The following CCDC87 variants were observed in gnomAD, a reference collection of about 807,000 sequenced individuals.
CCDC87 encodes the protein coiled-coil domain-containing protein 87.
For synonymous variants in CCDC87, 434 were observed against 440.2 expected, an observed-to-expected ratio of 0.99 and a Z score of 0.18; for missense variants, 1,072 against 1,041.7, an observed-to-expected ratio of 1.03 and a Z score of -0.40.
In CCDC87 at chr11:66,591,782, C is replaced by T; in HGVS notation, c.1234G>A (p.Gly412Arg). The change falls in exon 1 of 1, where the codon GGG becomes AGG. Residue 412 changes from glycine (G) to arginine (R), a missense_variant. Coordinates refer to ENST00000333861, the MANE Select transcript of CCDC87 (RefSeq NM_018219.3). ...LRNLQEEEAS[G>R]QWDPQPPKSF... ...TTGGGGGGCTGGGGGTCCCACTGCC[C>T]AGAGGCTTCTTCCTCCTGGAGGTTC... 1 of 1,613,612 alleles carries T rather than the reference C, an allele frequency of 6.2e-7. No individual in the cohort carries two copies. Among genetic ancestry groups the T allele is most frequent in the South Asian group, 1.1e-5 (1 of 91,062 alleles).
chr11:66,593,033 C>A lies in CCDC87; in HGVS notation c.-18G>T. The stretch of plus-strand genomic sequence containing the variant: ...TCCATCATAGAGCCGGCGGCCGCCA[C>A]CGTCCAGGAACAGAAAGCCGAGGGG... On this transcript the variant is annotated 5_prime_UTR_variant, in exon 1 of 1. Transcript: ENST00000333861. The A allele has an allele frequency of 6.6e-7, 1 of 1,506,806 alleles. No homozygotes were observed. Among genetic ancestry groups the A allele is most frequent in the Non-Finnish European group, 8.8e-7 (1 of 1,130,274 alleles). 93.3% of individuals were successfully genotyped at this position (1,506,806 alleles called of 1,614,324 possible). A position where few individuals can be genotyped will look rare whatever the true frequency, so the allele number is the denominator to read the frequency against.
At position 66,591,599 on chromosome 11, in the gene CCDC87, GT is replaced by G. The variant is rs770495671; in HGVS notation, c.1416del (p.Glu472AspfsTer27). The G allele has an allele frequency of 3.3e-5, 54 of 1,614,128 alleles. 1 individual carries two copies. The South Asian group carries it at 5.2e-4, about 15-fold the overall frequency. ...AGALYNHLAG[E>X]LDPKAIEKMD... is the part of the protein sequence containing the mutation. ...ATTTTTTCAATGGCTTTGGGATCCA[GT>G]TCACCAGCCAGATGGTTATACAGGG... On this transcript the variant is annotated frameshift_variant, in exon 1 of 1. Coordinates refer to ENST00000333861, the MANE Select transcript of CCDC87 (RefSeq NM_018219.3). LOFTEE classifies it low-confidence loss of function (END_TRUNC).
In CCDC87 at chr11:66,591,866, C is replaced by A. The variant is rs1271227957; in HGVS notation, c.1150G>T (p.Val384Phe). Reference sequence around the variant, plus strand: ...CCTGCAGCTGGGTGACGGGTCACAACCCCCAGGAGAGGAGGCAGGCCTGAG... The same window carrying A: ...CCTGCAGCTGGGTGACGGGTCACAAACCCCAGGAGAGGAGGCAGGCCTGAG... ...LDSGLPPLLGVVTRHPAAGHR... is the reference protein window; with the variant it reads ...LDSGLPPLLGFVTRHPAAGHR... The change falls in exon 1 of 1, where the codon GTT (valine) becomes TTT (phenylalanine). Residue 384 changes from valine to phenylalanine, a missense_variant. Transcript: ENST00000333861. The A allele has an allele frequency of 6.2e-7, 1 of 1,613,656 alleles. No individual in the cohort carries two copies. Among genetic ancestry groups the A allele is most frequent in the African/African-American group, 1.3e-5 (1 of 75,038 alleles).
Position 66,590,319 on chromosome 11 carries a change from G to A in CCDC87, c.*147C>T. ...TCATAGTTGGAAGCATAATGTTCCT[G>A]AACCCTCCACTCCCAGATATAGACA... On this transcript the variant is annotated 3_prime_UTR_variant, in exon 1 of 1. Transcript: ENST00000333861. 1 of 631,054 alleles carries A rather than the reference G, an allele frequency of 1.6e-6. No homozygotes were observed. Among genetic ancestry groups the A allele is most frequent in the East Asian group, 2.7e-5 (1 of 36,424 alleles). The allele number at this position is 631,054 out of a possible 1,614,324, so 39.1% of individuals were successfully genotyped here.
In CCDC87 at chr11:66,591,164, C is replaced by T; in HGVS notation, c.1852G>A (p.Glu618Lys). 6.2e-7 allele frequency: 1 copy of T among 1,614,220 alleles called. No individual in the cohort carries two copies. The highest frequency in any genetic ancestry group is 1.7e-5 in the Admixed American group (1 of 60,030). The change falls in exon 1 of 1, where the codon GAA becomes AAA. Residue 618 changes from glutamate (E) to lysine (K), a missense_variant. Physicochemically the swap from Glu to Lys is moderately conservative, Grantham distance 56. Coordinates refer to ENST00000333861, the MANE Select transcript of CCDC87 (RefSeq NM_018219.3). ...FLHVIFQMHE[E>K]EVPVEIVAPA... The stretch of plus-strand genomic sequence containing the variant: ...GCCACAATCTCCACAGGAACCTCTT[C>T]TTCATGCATTTGAAAGATGACATGA...
At position 66,592,694 on chromosome 11, in the gene CCDC87, T is replaced by G; in HGVS notation, c.322A>C (p.Asn108His). The change falls in exon 1 of 1, where the codon AAC becomes CAC. Residue 108 changes from asparagine to histidine, a missense_variant. By Grantham distance (68) the Asn-to-His change is moderately conservative. Transcript: ENST00000333861. Reference sequence around the variant, plus strand: ...AGCCGCTTCCGCAGCTTCTGGTTGTTTTTGTGGCTCAGACTAAGTTCGGCG... The same window carrying G: ...AGCCGCTTCCGCAGCTTCTGGTTGTGTTTGTGGCTCAGACTAAGTTCGGCG... Reference protein sequence around the residue: ...PPAELSLSHKNNQKLRKRLEA... With the variant: ...PPAELSLSHKHNQKLRKRLEA... 1 of 1,614,118 alleles carries G rather than the reference T, an allele frequency of 6.2e-7. No individual in the cohort carries two copies. Among genetic ancestry groups the G allele is most frequent in the African/African-American group, 1.3e-5 (1 of 75,066 alleles).
rs1858363091 is a variant in CCDC87, at chr11:66,591,717, C to G, written c.1299G>C (p.Leu433Phe). ...PLHPQPVTIT[L>F]KLRNEVVVQA... ...GGACCACGACCTCATTTCTAAGCTT[C>G]AAAGTAATGGTCACTGGCTGTGGGT... Residue 433 changes from leucine (L) to phenylalanine (F), a missense_variant, in exon 1 of 1, where the codon TTG becomes TTC. By Grantham distance (22) the Leu-to-Phe change is conservative (BLOSUM62 0). Coordinates refer to ENST00000333861, the MANE Select transcript of CCDC87 (RefSeq NM_018219.3). The G allele has an allele frequency of 6.2e-7, 1 of 1,613,572 alleles. No individual in the cohort carries two copies. The highest frequency in any genetic ancestry group is 1.1e-5 in the South Asian group (1 of 91,076).
rs200576384 is a variant in CCDC87 at position 66,591,687 on chromosome 11, C to T, written c.1329G>A (p.Ala443=). ...TTCTATCAGAGACCCGTACGGCAGCCGCCTGGACCACGACCTCATTTCTAA... is the reference window on the plus strand; with the variant it reads ...TTCTATCAGAGACCCGTACGGCAGCTGCCTGGACCACGACCTCATTTCTAA... ...LKLRNEVVVQ[A]AAVRVSDRNF... is the part of the protein sequence containing the mutation. The change falls in exon 1 of 1, where the codon GCG becomes GCA. Residue 443 remains alanine, a synonymous_variant. Coordinates refer to ENST00000333861, the MANE Select transcript of CCDC87 (RefSeq NM_018219.3). 163 of 1,613,650 alleles carry T rather than the reference C, an allele frequency of 1.0e-4. No individual in the cohort carries two copies. Among genetic ancestry groups the T allele is most frequent in the Middle Eastern group, 5.0e-4 (3 of 6,056 alleles).
In CCDC87 at chr11:66,592,249, G is replaced by C; in HGVS notation, c.767C>G (p.Pro256Arg). Residue 256 changes from proline to arginine, a missense_variant, in exon 1 of 1, where the codon CCT (proline) becomes CGT (arginine). By Grantham distance (103) the Pro-to-Arg change is moderately radical. Coordinates refer to ENST00000333861, the MANE Select transcript of CCDC87 (RefSeq NM_018219.3). ...GAAAGGCTTTTTCCTCTTCAACCGA[G>C]GGATGGACTTCAATTCCTTCACTGG... Reference protein sequence around the residue: ...MDPVKELKSIPRLKRKKPFHW... With the variant: ...MDPVKELKSIRRLKRKKPFHW... 1.2e-6 allele frequency: 2 copies of C among 1,614,120 alleles called. No homozygotes were observed. The highest frequency in any genetic ancestry group is 2.2e-5 in the East Asian group (1 of 44,894).
rs200209283 is a variant in CCDC87, at chr11:66,590,881, C to T, written c.2135G>A (p.Arg712Lys). The change falls in exon 1 of 1, where the codon AGG becomes AAG. Residue 712 changes from arginine to lysine, a missense_variant. Coordinates refer to ENST00000333861, the MANE Select transcript of CCDC87 (RefSeq NM_018219.3). Reference sequence around the variant, plus strand: ...GGCATTCACCAATGAAGGCAGCTGCCTCAGGCGGGCTTTGGAGCTATATTT... The same window carrying T: ...GGCATTCACCAATGAAGGCAGCTGCTTCAGGCGGGCTTTGGAGCTATATTT... ...TIKYSSKARL[R>K]QLPSLVNAWE... 98 of 1,613,908 alleles carry T rather than the reference C, an allele frequency of 6.1e-5. No homozygotes were observed. In the East Asian group the frequency reaches 2.1e-3, roughly 35 times the overall value.
In CCDC87 at chr11:66,591,384, C is replaced by T. The variant is rs987046128; in HGVS notation, c.1632G>A (p.Glu544=). 1.2e-6 allele frequency: 2 copies of T among 1,614,020 alleles called. No homozygotes were observed. Among genetic ancestry groups the T allele is most frequent in the African/African-American group, 2.7e-5 (2 of 74,896 alleles). The change falls in exon 1 of 1, where the codon GAG becomes GAA. Residue 544 remains glutamate, a synonymous_variant. Transcript: ENST00000333861. The part of the protein sequence containing the change: ...QEKQPQIINP[E]LVGLYSQRAN... The stretch of plus-strand genomic sequence containing the variant: ...CTCTCTGGGAGTAAAGTCCAACCAG[C>T]TCAGGGTTGATGATTTGAGGCTGTT...
In CCDC87 at chr11:66,592,600, G is replaced by C. The variant is rs1224791816; in HGVS notation, c.416C>G (p.Ser139Trp). The stretch of plus-strand genomic sequence containing the variant: ...TTCAGTGAAGACCCCCCTGGGAGTC[G>C]ACATGGTCACCAGCAGGTGCAGGTA... ...LRYLHLLVTM[S>W]TPRGVFTESA... Residue 139 changes from serine (S) to tryptophan (W), a missense_variant, in exon 1 of 1, where the codon TCG becomes TGG. Coordinates refer to ENST00000333861, the MANE Select transcript of CCDC87 (RefSeq NM_018219.3). 3 of 1,613,582 alleles carry C rather than the reference G, an allele frequency of 1.9e-6. No homozygotes were observed. The highest frequency in any genetic ancestry group is 1.1e-5 in the South Asian group (1 of 91,088).
rs1213957074 is a variant in CCDC87, at chr11:66,591,252, C to T, written c.1764G>A (p.Trp588Ter). The stretch of plus-strand genomic sequence containing the variant: ...AGTCATCCACAGACAAGGTGGTTTT[C>T]CATGAGTTCATCAAGGAGGCCTTGT... ...WSNKASLMNS[W>*]KTTLSVDDYF... The change falls in exon 1 of 1, where the codon TGG becomes TGA. Residue 588 changes from tryptophan (W) to a stop codon, truncating the protein, a stop_gained. Coordinates refer to ENST00000333861, the MANE Select transcript of CCDC87 (RefSeq NM_018219.3). LOFTEE classifies it low-confidence loss of function (END_TRUNC). 1.1e-5 allele frequency: 17 copies of T among 1,614,106 alleles called. No individual in the cohort carries two copies. Among genetic ancestry groups the T allele is most frequent in the Non-Finnish European group, 1.4e-5 (16 of 1,180,054 alleles).
At position 66,591,080 on chromosome 11, in the gene CCDC87, G is replaced by T. The variant is rs751809321; in HGVS notation, c.1936C>A (p.Pro646Thr). The change falls in exon 1 of 1, where the codon CCA becomes ACA. Residue 646 changes from proline (P) to threonine (T), a missense_variant. Coordinates refer to ENST00000333861, the MANE Select transcript of CCDC87 (RefSeq NM_018219.3). The stretch of plus-strand genomic sequence containing the variant: ...TCCCACTCTCCTGGCACAAAGTCTG[G>T]TTCTTCATCTTCTAGCAATGGGGGA... ...HPPPLLEDEEPDFVPGEWDWN... is the reference protein window; with the variant it reads ...HPPPLLEDEETDFVPGEWDWN... The T allele has an allele frequency of 6.2e-7, 1 of 1,614,062 alleles. No homozygotes were observed. Among genetic ancestry groups the T allele is most frequent in the Non-Finnish European group, 8.5e-7 (1 of 1,180,050 alleles).
rs1361573768 is a variant in CCDC87, at chr11:66,590,579, T to C, written c.2437A>G (p.Lys813Glu). Residue 813 changes from lysine (K) to glutamate (E), a missense_variant, in exon 1 of 1, where the codon AAA becomes GAA. By Grantham distance (56) the Lys-to-Glu change is moderately conservative. Transcript: ENST00000333861. ...RPYLDKMKSD[K>E]VEMLYWLQQQ... Reference sequence around the variant, plus strand: ...TGCAGCCAATAGAGCATCTCCACTTTGTCACTCTTCATCTTGTCCAGGTAG... The same window carrying C: ...TGCAGCCAATAGAGCATCTCCACTTCGTCACTCTTCATCTTGTCCAGGTAG... The C allele has an allele frequency of 2.5e-6, 4 of 1,614,110 alleles. No individual in the cohort carries two copies. The highest frequency in any genetic ancestry group is 3.4e-6 in the Non-Finnish European group (4 of 1,180,048).
In CCDC87 at chr11:66,590,659, A is replaced by C. The variant is rs751137483; in HGVS notation, c.2357T>G (p.Leu786Arg). ...AAAGATTAACTCTATCTCCTCCAGG[A>C]GGGAAACCAAAGAAGACTCCATTAA... is the stretch of plus-strand genomic sequence containing the variant. Reference protein sequence around the residue: ...LNLMESSLVSLLEEIELIFGE... With the variant: ...LNLMESSLVSRLEEIELIFGE... The change falls in exon 1 of 1, where the codon CTC becomes CGC. Residue 786 changes from leucine (L) to arginine (R), a missense_variant. Coordinates refer to ENST00000333861, the MANE Select transcript of CCDC87 (RefSeq NM_018219.3). The C allele has an allele frequency of 6.2e-7, 1 of 1,614,082 alleles. No individual in the cohort carries two copies. The highest frequency in any genetic ancestry group is 1.7e-5 in the Admixed American group (1 of 60,020).
In CCDC87 at chr11:66,592,436, T is replaced by C. The variant is rs1245812888; in HGVS notation, c.580A>G (p.Lys194Glu). 1 of 1,613,934 alleles carries C rather than the reference T, an allele frequency of 6.2e-7. No individual in the cohort carries two copies. The highest frequency in any genetic ancestry group is 2.2e-5 in the East Asian group (1 of 44,872). The change falls in exon 1 of 1, where the codon AAG becomes GAG. Residue 194 changes from lysine (K) to glutamate (E), a missense_variant. Transcript: ENST00000333861. ...CCAGCGGGGCAGACAGGGTGCAGCT[T>C]GTCCACATCCCCAGAGGCCTGCTCT... ...RAEQASGDVD[K>E]LHPVCPAGTF...
Position 66,592,364 on chromosome 11 carries a change from C to G in CCDC87, c.652G>C (p.Ala218Pro), listed in dbSNP as rs188685970. Residue 218 changes from alanine to proline, a missense_variant, in exon 1 of 1, where the codon GCC (alanine) becomes CCC (proline). Ala to Pro is a conservative substitution (Grantham distance 27, BLOSUM62 -1). Transcript: ENST00000333861. ...TTGAGGTTAGAGCACTGCACTTGGG[C>G]GAAGCCAGTGCTGTGAGGCCAGGGG... Reference protein sequence around the residue: ...PIPWPHSTGFAQVQCSNLNLN... With the variant: ...PIPWPHSTGFPQVQCSNLNLN... The G allele has an allele frequency of 1.5e-4, 240 of 1,614,096 alleles. 1 individual carries two copies. Among genetic ancestry groups the G allele is most frequent in the Non-Finnish European group, 3.4e-6 (4 of 1,180,018 alleles).
In CCDC87 at chr11:66,591,467, G is replaced by A. The variant is rs778135888; in HGVS notation, c.1549C>T (p.Pro517Ser). 4 of 1,614,162 alleles carry A rather than the reference G, an allele frequency of 2.5e-6. No individual in the cohort carries two copies. The highest frequency in any genetic ancestry group is 1.6e-4 in the Middle Eastern group (1 of 6,062). ...GTCGACCAGTCTTTATCTGCTGCAGGCTCAACTAGGGGCCCTTGATCAAAA... is the reference window on the plus strand; with the variant it reads ...GTCGACCAGTCTTTATCTGCTGCAGACTCAACTAGGGGCCCTTGATCAAAA... ...LHFDQGPLVE[P>S]AADKDWSTFL... The change falls in exon 1 of 1, where the codon CCT becomes TCT. Residue 517 changes from proline to serine, a missense_variant. Transcript: ENST00000333861.
Sources: allele counts gnomAD v4.1 joint callset, GRCh38; gene constraint gnomAD v4.1.1; transcripts MANE v1.5; gene names NCBI Gene and HGNC (gene_info 2026-07-23, HGNC 2026-07-21).